RAD9B: variants seen among roughly 807,000 people sequenced by gnomAD.
RAD9B encodes cell cycle checkpoint control protein RAD9B.
In RAD9B, 41 loss-of-function variants were observed where a neutral mutation model predicts 48.3. That is an observed-to-expected ratio of 0.85 (90% confidence interval 0.66 to 1.10). The LOEUF is 1.10. RAD9B is among the 50% of genes least tolerant of loss of function. The probability of loss-of-function intolerance (pLI) is 0.00; values close to 1 mark genes in which losing one functional copy is unlikely to be tolerated. For missense variants in RAD9B, 444 were observed against 485.1 expected (o/e 0.92, Z 0.80); for synonymous variants, 160 against 157.9 (o/e 1.01, Z -0.10).
At chr12:110,525,482 G>T (rs1263033746) in intron 10 of RAD9B, among the ~76,000 whole-genome samples, 1 of 151,858 alleles carries the variant, frequency 6.6e-6, no homozygotes, top group Non-Finnish European at 1.5e-5. Flanking sequence ...GGTTTTTTCT[G>T]TGTTTCCTCA....
chr12:110,523,170 TCA>T (rs1491157455), intron 10 of RAD9B, among the ~76,000 whole-genome samples: 1 of 152,182 alleles, frequency 6.6e-6, no homozygotes, highest in East Asian at 1.9e-4. Flanking sequence ...GTGCAGTGAC[TCA>T]CGCCTGTAAC....
chr12:110,518,850 T>G, intron 7 of RAD9B, 24 bp from the exon 8 acceptor site: 1 of 1,577,912 alleles, frequency 6.3e-7, no homozygotes, highest in South Asian at 1.2e-5. Context: ...GATTTTAAGT[T>G]TTTTTCTTCT....
chr12:110,515,001 T>G, intron 5 of RAD9B, 49 bp from the exon 6 acceptor site: 1 of 1,139,448 alleles, frequency 8.8e-7, no homozygotes, highest in Non-Finnish European at 1.3e-6. Context: ...AGGTATGTCT[T>G]TCTGTTTGTT....
chr12:110,529,256 G>A (rs1185848733), intron 10 of RAD9B, among the ~76,000 whole-genome samples: 1 of 152,040 alleles, frequency 6.6e-6, no homozygotes, highest in African/African-American at 2.4e-5. Context: ...TGATTCTCCT[G>A]CCCCAGCCTC....
In RAD9B at chr12:110,518,139, C is replaced by G. The variant is rs574229631; in HGVS notation, c.596-537C>G. On this transcript the variant is annotated intron_variant, in intron 6 of 10. Coordinates refer to ENST00000409300, the MANE Select transcript of RAD9B (RefSeq NM_001286535.2). ...CCGGGAGGCACAGCTTGCAGTGAGCCGAGATTGTGCCACTGCACTCCAGCC... is the reference window on the plus strand; with the variant it reads ...CCGGGAGGCACAGCTTGCAGTGAGCGGAGATTGTGCCACTGCACTCCAGCC... 3.3e-5 allele frequency among the ~76,000 whole-genome samples: 5 copies of G among 151,342 alleles called. No individual in the cohort carries two copies. In the South Asian group the frequency reaches 6.3e-4, roughly 19 times the overall value.
At position 110,505,651 on chromosome 12, in the gene RAD9B, C is replaced by G. The variant is rs768710434; in HGVS notation, c.152C>G (p.Ala51Gly). The G allele has an allele frequency of 2.5e-6, 4 of 1,572,236 alleles. No individual in the cohort carries two copies. The highest frequency in any genetic ancestry group is 2.6e-6 in the Non-Finnish European group (3 of 1,157,364). ...AGATGTGTGAATTCTTCTCGGTCAG[C>G]ATATGGATGTGTCCTGTTCTCTCCT... ...ALRCVNSSRS[A>G]YGCVLFSPVF... The change falls in exon 3 of 11, where the codon GCA becomes GGA. Residue 51 changes from alanine to glycine, a missense_variant. Physicochemically the swap from Ala to Gly is moderately conservative, Grantham distance 60. Coordinates refer to ENST00000409300, the MANE Select transcript of RAD9B (RefSeq NM_001286535.2).
At chr12:110,526,440 T>C (rs2063939146) in intron 10 of RAD9B, among the ~76,000 whole-genome samples, 1 of 152,166 alleles carries the variant, frequency 6.6e-6, no homozygotes, top group African/African-American at 2.4e-5. Flanking sequence ...AGGGCAGCTC[T>C]CAAAGATTAA....
chr12:110,507,154 T>A (rs2063301531), intron 4 of RAD9B, among the ~76,000 whole-genome samples: 1 of 152,068 alleles, frequency 6.6e-6, no homozygotes, highest in African/African-American at 2.4e-5. Context: ...CATGAGCCAC[T>A]GCACCTGGCC....
chr12:110,532,921 T>G lies in RAD9B; in HGVS notation c.*2268T>G, dbSNP rs1464123897. On this transcript the variant is annotated 3_prime_UTR_variant, in exon 11 of 11. Coordinates refer to ENST00000409300, the MANE Select transcript of RAD9B (RefSeq NM_001286535.2). ...ATGATGAAATTGCTAAGGATGCATC[T>G]GTCAGAACATCTCTGTTAAACAACA... Among the ~76,000 whole-genome samples, 1 of 152,242 alleles carries G rather than the reference T, an allele frequency of 6.6e-6. No homozygotes were observed. The highest frequency in any genetic ancestry group is 1.5e-5 in the Non-Finnish European group (1 of 68,044).
intron 6 of RAD9B, among the ~76,000 whole-genome samples, chr12:110,517,829 G>A (rs2063655120): frequency 6.6e-6 from 1 of 150,620 alleles, no homozygotes; most frequent in Non-Finnish European, 1.5e-5. Flanking sequence ...TGGAAAAATA[G>A]CCAAGATATA....
At chr12:110,529,992 G>A (rs1411251624) in intron 10 of RAD9B, among the ~76,000 whole-genome samples, 2 of 152,136 alleles carry the variant, frequency 1.3e-5, no homozygotes, top group African/African-American at 4.8e-5. Context: ...GCAGACCATT[G>A]ATCCCAAACT....
chr12:110,530,603 G>C lies in RAD9B; in HGVS notation c.1204G>C (p.Ala402Pro). Residue 402 changes from alanine to proline, a missense_variant, in exon 11 of 11, where the codon GCA (alanine) becomes CCA (proline). Ala to Pro is a conservative substitution (Grantham distance 27, BLOSUM62 -1). Coordinates refer to ENST00000409300, the MANE Select transcript of RAD9B (RefSeq NM_001286535.2). ...CCACCCTTTCGACAGTCTGGCAAGA[G>C]CAAGTGACAGTGAAGAGGACATGAA... ...FNHPFDSLAR[A>P]SDSEEDMNNG... is the part of the protein sequence containing the mutation. 1 of 1,613,968 alleles carries C rather than the reference G, an allele frequency of 6.2e-7. No homozygotes were observed. The highest frequency in any genetic ancestry group is 8.5e-7 in the Non-Finnish European group (1 of 1,179,848).
chr12:110,522,437 T>TC (rs2063815144), intron 10 of RAD9B, 26 bp downstream of exon 10: 1 of 1,497,368 alleles, frequency 6.7e-7, no homozygotes, highest in Admixed American at 1.9e-5. Context: ...TTCAACCACA[T>TC]CTCAGTCAAG....
chr12:110,513,738 T>TA (rs1197103919), intron 5 of RAD9B, among the ~76,000 whole-genome samples: 5 of 141,670 alleles, frequency 3.5e-5, no homozygotes, highest in African/African-American at 1.3e-4. Flanking sequence ...TTATTATTAT[T>TA]TTTGAGACAG....
At position 110,533,411 on chromosome 12, in the gene RAD9B, ATAC is replaced by A; in HGVS notation, c.*2759_*2761del. The A allele has an allele frequency of 6.6e-6, 1 of 152,218 alleles. No homozygotes were observed. The highest frequency in any genetic ancestry group is 2.4e-5 in the African/African-American group (1 of 41,462). 9.4% of individuals were successfully genotyped at this position (152,218 alleles called of 1,614,324 possible). A position where few individuals can be genotyped will look rare whatever the true frequency, so the allele number is the denominator to read the frequency against. On this transcript the variant is annotated 3_prime_UTR_variant, in exon 11 of 11. Coordinates refer to ENST00000409300, the MANE Select transcript of RAD9B (RefSeq NM_001286535.2). The stretch of plus-strand genomic sequence containing the variant: ...AACAGAAAAAAAGCAGCTCATTAGT[ATAC>A]ACACAGATTCTAATTTGCTTCATTA...
chr12:110,513,744 G>A (rs981014357), intron 5 of RAD9B, among the ~76,000 whole-genome samples: 1 of 145,700 alleles, frequency 6.9e-6, no homozygotes, highest in Non-Finnish European at 1.5e-5. Flanking sequence ...TTATTTTTGA[G>A]ACAGAGTCTC....
chr12:110,520,388 T>C (rs926274006), intron 9 of RAD9B, among the ~76,000 whole-genome samples: 1 of 152,034 alleles, frequency 6.6e-6, no homozygotes, highest in South Asian at 2.1e-4. Context: ...TTTGTATTTT[T>C]TTTTGTAGAG....
chr12:110,529,515 T>G (rs1593123466), intron 10 of RAD9B, among the ~76,000 whole-genome samples: 1 of 147,130 alleles, frequency 6.8e-6, no homozygotes, highest in East Asian at 2.0e-4. Flanking sequence ...CTTTGGGAGG[T>G]GAAGGCAGGA....
chr12:110,520,193 T>G (rs1048715254), intron 9 of RAD9B, among the ~76,000 whole-genome samples: 1 of 148,944 alleles, frequency 6.7e-6, no homozygotes, highest in Non-Finnish European at 1.5e-5. Context: ...AATTTTTAGT[T>G]TTTGTTGTTG....
Sources: gnomAD v4.1 joint callset for allele counts (sites outside exome capture counted in the v4.1 genomes callset) on GRCh38, gnomAD v4.1.1 for gene constraint, MANE v1.5 for transcripts, NCBI Gene and HGNC (gene_info 2026-07-23, HGNC 2026-07-21) for gene names.